Variants in CUBN observed in about 807,000 individuals in gnomAD.
The protein encoded by CUBN is 460 kDa receptor.
A neutral mutation model predicts 405.3 loss-of-function variants in CUBN; 282 were observed. The observed-to-expected ratio is 0.70, with a 90% CI of 0.63 to 0.77. CUBN has a LOEUF of 0.77. CUBN is among the 30% of genes least tolerant of loss of function. The pLI is 0.00. For missense variants in CUBN, 4,514 were observed against 4,475.2 expected (o/e 1.01, Z -0.25); for synonymous variants, 1,684 against 1,617.0 (o/e 1.04, Z -0.99).
chr10:16,882,610 G>C (rs79051478), intron 56 of CUBN, among the ~76,000 whole-genome samples: 12,499 of 152,258 alleles, frequency 0.082, 572 homozygotes, highest in South Asian at 0.13. Context: ...TCTCCAAAGT[G>C]GGGGGAGGGC....
intron 17 of CUBN, among the ~76,000 whole-genome samples, chr10:17,079,923 T>C (rs1185136363): frequency 6.6e-6 from 1 of 152,090 alleles, no homozygotes. Context: ...GGAGGGCTGC[T>C]TAGGCTGAAG....
chr10:16,841,392 T>G (rs555943078), intron 60 of CUBN, among the ~76,000 whole-genome samples: 2 of 152,260 alleles, frequency 1.3e-5, no homozygotes, highest in South Asian at 2.1e-4. Context: ...CACTGCAGCC[T>G]CCCATGAAGC....
chr10:17,052,759 C>CAA lies in CUBN; in HGVS notation c.3140-5158_3140-5157dup, dbSNP rs10574636. Among the ~76,000 whole-genome samples the CAA allele has an allele frequency of 9.0e-3, 495 of 55,128 alleles. 29 individuals are homozygous for CAA. The highest frequency in any genetic ancestry group is 0.031 in the Middle Eastern group (1 of 32). The allele number at this position is 55,128 out of a possible 152,430, so 36.2% of individuals were successfully genotyped here. On this transcript the variant is annotated intron_variant, in intron 22 of 66. Coordinates refer to ENST00000377833, the MANE Select transcript of CUBN (RefSeq NM_001081.4). Reference sequence around the variant, plus strand: ...TGGGCAACAGACTGAGACTCAGTCTCAAAAAAAAAAAAAAAAAAAAAAAAA... The same window carrying CAA: ...TGGGCAACAGACTGAGACTCAGTCTCAAAAAAAAAAAAAAAAAAAAAAAAAAA...
chr10:17,100,680 G>A (rs960676901), intron 13 of CUBN, among the ~76,000 whole-genome samples: 1 of 152,164 alleles, frequency 6.6e-6, no homozygotes, highest in African/African-American at 2.4e-5. Context: ...CAAACACACA[G>A]ACGTTCATCA....
Position 16,900,626 on chromosome 10 carries a change from T to C in CUBN, c.8409A>G (p.Leu2803=), listed in dbSNP as rs747224048. Residue 2803 remains leucine, a splice_region_variant and synonymous_variant, in exon 53 of 67, where the codon TTA becomes TTG. Coordinates refer to ENST00000377833, the MANE Select transcript of CUBN (RefSeq NM_001081.4). ...GFYATWNTQT[L]GCGGIFHSDN... is the part of the protein sequence containing the mutation. ...AAATGGAGCAAACATTTCTTTTACC[T>C]AAAGTTTGTGTGTTCCACGTAGCAT... 3.7e-6 allele frequency: 6 copies of C among 1,608,990 alleles called. No homozygotes were observed. Among genetic ancestry groups the C allele is most frequent in the Admixed American group, 1.7e-5 (1 of 60,024 alleles).
At chr10:16,876,203 G>C (rs963597832) in intron 57 of CUBN, among the ~76,000 whole-genome samples, 2 of 152,222 alleles carry the variant, frequency 1.3e-5, no homozygotes, top group African/African-American at 4.8e-5. Context: ...AGATTTGTGT[G>C]CCAGTTTGAC....
At chr10:16,911,478 A>G (rs536110750) in intron 48 of CUBN, among the ~76,000 whole-genome samples, 58 of 152,362 alleles carry the variant, frequency 3.8e-4, no homozygotes, top group Non-Finnish European at 6.6e-4. Context: ...GTAGTAGAAT[A>G]GGAATATTAT....
chr10:16,981,574 G>A (rs1017640459), intron 31 of CUBN, among the ~76,000 whole-genome samples: 3 of 152,140 alleles, frequency 2.0e-5, no homozygotes, highest in Non-Finnish European at 2.9e-5. Flanking sequence ...TTTTGGGGTC[G>A]CAGACACCCT....
At chr10:16,844,409 G>A (rs540536339) in intron 60 of CUBN, among the ~76,000 whole-genome samples, 1 of 152,322 alleles carries the variant, frequency 6.6e-6, no homozygotes, top group South Asian at 2.1e-4. Flanking sequence ...GGCCCTGGAG[G>A]CCAGGGTGAG....
intron 35 of CUBN, 37 bp downstream of exon 35, chr10:16,948,441 C>A: frequency 6.2e-7 from 1 of 1,612,764 alleles, no homozygotes; most frequent in South Asian, 1.1e-5. Context: ...TACCACATCC[C>A]TTTTAACCGC....
At chr10:17,063,394 T>C (rs1373452842) in intron 22 of CUBN, among the ~76,000 whole-genome samples, 1 of 152,146 alleles carries the variant, frequency 6.6e-6, no homozygotes, top group Non-Finnish European at 1.5e-5. Context: ...GCAGACCAAA[T>C]AGAGGCCAAA....
chr10:16,904,966 T>C (rs960554150), intron 50 of CUBN, among the ~76,000 whole-genome samples: 4 of 152,188 alleles, frequency 2.6e-5, no homozygotes, highest in Non-Finnish European at 5.9e-5. Context: ...ACTCTCTGGC[T>C]GAGGCCCTTG....
At chr10:17,045,292 A>C (rs1835104525) in intron 24 of CUBN, 104 bp from the exon 25 acceptor site, 1 of 1,080,468 alleles carries the variant, frequency 9.3e-7, no homozygotes, top group African/African-American at 1.6e-5. Flanking sequence ...CTTTAAATCA[A>C]ATTGCACAGC....
intron 27 of CUBN, among the ~76,000 whole-genome samples, chr10:17,038,622 T>A (rs1186709786): frequency 6.6e-6 from 1 of 152,186 alleles, no homozygotes; most frequent in African/African-American, 2.4e-5. Context: ...AGTTGGGATT[T>A]GGGGAAGTCA....
rs115115499 is a variant in CUBN, at chr10:16,910,755, T to C, written c.7533+3056A>G. Among the ~76,000 whole-genome samples, 607 of 151,178 alleles carry C rather than the reference T, an allele frequency of 4.0e-3. 4 individuals carry two copies. Among genetic ancestry groups the C allele is most frequent in the African/African-American group, 0.014 (566 of 41,350 alleles). On this transcript the variant is annotated intron_variant, in intron 48 of 66. Transcript: ENST00000377833. ...CAACACAAAACTTCAAAATTATTAT[T>C]AATATATTCATATATATTAATATAT...
intron 17 of CUBN, among the ~76,000 whole-genome samples, chr10:17,075,975 A>G (rs1359626920): frequency 6.6e-6 from 1 of 152,206 alleles, no homozygotes; most frequent in African/African-American, 2.4e-5. Flanking sequence ...GCAGTTCTTG[A>G]AAACTAGAAA....
At chr10:17,060,821 CG>C (rs1835490154) in intron 22 of CUBN, among the ~76,000 whole-genome samples, 3 of 151,916 alleles carry the variant, frequency 2.0e-5, no homozygotes, top group Admixed American at 2.0e-4. Flanking sequence ...GAGGCTGAGG[CG>C]GGGGGATCAC....
At chr10:16,827,633 G>A (rs940308448) in intron 66 of CUBN, among the ~76,000 whole-genome samples, 2 of 152,162 alleles carry the variant, frequency 1.3e-5, no homozygotes, top group East Asian at 1.9e-4. Flanking sequence ...ATGGAGTCTG[G>A]CTCTGTCGCC....
intron 28 of CUBN, among the ~76,000 whole-genome samples, chr10:17,018,963 G>A (rs1834420781): frequency 6.6e-6 from 1 of 152,162 alleles, no homozygotes; most frequent in African/African-American, 2.4e-5. Flanking sequence ...AGCTCAGCCG[G>A]CTTCACCTCT....
Sources: allele counts gnomAD v4.1 joint callset (sites outside exome capture counted in the v4.1 genomes callset), GRCh38; gene constraint gnomAD v4.1.1; transcripts MANE v1.5; gene names NCBI Gene and HGNC (gene_info 2026-07-23, HGNC 2026-07-21).